CNKSR3: variants seen among roughly 807,000 people sequenced by gnomAD.
CNKSR3 encodes CNKSR family member 3, also known as connector enhancer of kinase suppressor of ras 3.
Under a neutral mutation model 67.7 loss-of-function variants are expected in CNKSR3, and 36 were observed. The ratio of observed to expected loss-of-function variants is 0.53; its 90% CI spans 0.41 to 0.70. CNKSR3 has a LOEUF of 0.70. Ranked by LOEUF, CNKSR3 falls within the 30% of genes least tolerant of loss-of-function variation. The pLI is 0.00. For missense variants in CNKSR3, 630 were observed against 695.2 expected (o/e 0.91, Z 1.05); for synonymous variants, 281 against 271.4 (o/e 1.04, Z -0.35).
chr6:154,438,287 G>C (rs1054017360), intron 4 of CNKSR3, among the ~76,000 whole-genome samples: 3 of 151,732 alleles, frequency 2.0e-5, no homozygotes, highest in Non-Finnish European at 4.4e-5. Flanking sequence ...CCCCCTGCCA[G>C]AGTAAACACA....
intron 1 of CNKSR3, among the ~76,000 whole-genome samples, chr6:154,485,560 C>T (rs920408210): frequency 1.5e-4 from 23 of 152,208 alleles, no homozygotes; most frequent in African/African-American, 5.1e-4. Context: ...TTTCCCAAAA[C>T]GCATCAGGTA....
At position 154,406,416 on chromosome 6, in the gene CNKSR3, A is replaced by G; in HGVS notation, c.1606T>C (p.Ser536Pro). 2 of 1,614,172 alleles carry G rather than the reference A, an allele frequency of 1.2e-6. No individual in the cohort carries two copies. Among genetic ancestry groups the G allele is most frequent in the Non-Finnish European group, 1.7e-6 (2 of 1,180,024 alleles). ...KKSGSSATKS[S>P]STEPSLLVSW... is the part of the protein sequence containing the mutation. ...ACCAGGAGGGACGGTTCTGTGGACGAGGACTTCGTAGCTGAGGAGCCAGAT... is the reference window on the plus strand; with the variant it reads ...ACCAGGAGGGACGGTTCTGTGGACGGGGACTTCGTAGCTGAGGAGCCAGAT... Residue 536 changes from serine (S) to proline (P), a missense_variant, in exon 13 of 13, where the codon TCG (serine) becomes CCG (proline). Physicochemically the swap from Ser to Pro is moderately conservative, Grantham distance 74. Around this residue, in one of 3 missense-constraint regions of CNKSR3, gnomAD observed 308 missense variants for 299.6 expected, o/e 1.03. Coordinates refer to ENST00000607772, the MANE Select transcript of CNKSR3 (RefSeq NM_173515.4).
At chr6:154,465,488 T>C (rs766507961) in intron 1 of CNKSR3, among the ~76,000 whole-genome samples, 30 of 152,144 alleles carry the variant, frequency 2.0e-4, no homozygotes, top group Non-Finnish European at 4.4e-4. Context: ...ATGTGTACTA[T>C]AACTGTCCCA....
At chr6:154,476,387 G>T (rs1786450434) in intron 1 of CNKSR3, among the ~76,000 whole-genome samples, 2 of 151,688 alleles carry the variant, frequency 1.3e-5, no homozygotes, top group Non-Finnish European at 2.9e-5. Context: ...AACCCAGGAG[G>T]CGGAGGTTGC....
intron 1 of CNKSR3, among the ~76,000 whole-genome samples, chr6:154,452,864 G>A (rs746848935): frequency 2.4e-4 from 36 of 152,312 alleles, no homozygotes; most frequent in Non-Finnish European, 4.3e-4. Flanking sequence ...GGCCTCAGAA[G>A]AAACCTACCC....
chr6:154,407,011 G>A (rs1025099421), intron 12 of CNKSR3, among the ~76,000 whole-genome samples: 6 of 150,634 alleles, frequency 4.0e-5, no homozygotes, highest in African/African-American at 1.2e-4. Context: ...GAGGGCCCTC[G>A]GCCTGCCCAG....
intron 9 of CNKSR3, among the ~76,000 whole-genome samples, chr6:154,417,953 G>A (rs1584059927): frequency 6.6e-6 from 1 of 152,156 alleles, no homozygotes; most frequent in East Asian, 1.9e-4. Flanking sequence ...CTCCATACCT[G>A]CCAATATAGT....
At chr6:154,480,182 T>C (rs1786537621) in intron 1 of CNKSR3, among the ~76,000 whole-genome samples, 1 of 152,230 alleles carries the variant, frequency 6.6e-6, no homozygotes, top group African/African-American at 2.4e-5. Context: ...AATGTCTAAA[T>C]AACAAGTACC....
At chr6:154,429,285 A>G (rs545028143) in intron 6 of CNKSR3, among the ~76,000 whole-genome samples, 4 of 152,254 alleles carry the variant, frequency 2.6e-5, no homozygotes, top group South Asian at 4.2e-4. Flanking sequence ...CTGCTCATCA[A>G]CCTACGCTAA....
intron 1 of CNKSR3, among the ~76,000 whole-genome samples, chr6:154,484,436 T>C (rs1043049116): frequency 6.6e-6 from 1 of 152,214 alleles, no homozygotes; most frequent in Non-Finnish European, 1.5e-5. Context: ...CCGGGCACAG[T>C]GGCTCACGCC....
At chr6:154,441,544 G>A (rs766482712) in intron 3 of CNKSR3, among the ~76,000 whole-genome samples, 165 bp from the exon 4 acceptor site, 8 of 152,054 alleles carry the variant, frequency 5.3e-5, no homozygotes, top group Non-Finnish European at 1.2e-4. Flanking sequence ...AGTGCAGTGG[G>A]ATGATCTTGG....
chr6:154,408,875 AG>A (rs1240770531), intron 12 of CNKSR3, among the ~76,000 whole-genome samples: 2 of 152,194 alleles, frequency 1.3e-5, no homozygotes, highest in Non-Finnish European at 2.9e-5. Context: ...TGCAAGGAGG[AG>A]TGGAGGGAAC....
chr6:154,506,174 C>T (rs921783988), intron 1 of CNKSR3, among the ~76,000 whole-genome samples: 1 of 151,988 alleles, frequency 6.6e-6, no homozygotes, highest in Admixed American at 6.6e-5. Flanking sequence ...TATCTATTCT[C>T]CCCTTTTTCC....
rs1217574032 is a variant in CNKSR3 at position 154,394,325 on chromosome 6, C to T, written c.*12029G>A. 6.6e-6 allele frequency: 1 copy of T among 152,142 alleles called. No homozygotes were observed. Among genetic ancestry groups the T allele is most frequent in the Non-Finnish European group, 1.5e-5 (1 of 68,032 alleles). The allele number at this position is 152,142 out of a possible 1,614,324, so 9.4% of individuals were successfully genotyped here. ...ACCACACATGGCCTTATTATTGTCA[C>T]TTCTAGGCCAGGTTGGTTGAGTATT... On this transcript the variant is annotated 3_prime_UTR_variant, in exon 13 of 13. Transcript: ENST00000607772.
Position 154,406,275 on chromosome 6 carries a change from G to A in CNKSR3, c.*79C>T. ...AAGGTCCCTACATAATACTGAGGCTGAAACGAGAAGAGGCTGTCCACTGTA... is the reference window on the plus strand; with the variant it reads ...AAGGTCCCTACATAATACTGAGGCTAAAACGAGAAGAGGCTGTCCACTGTA... On this transcript the variant is annotated 3_prime_UTR_variant, in exon 13 of 13. Transcript: ENST00000607772. The A allele has an allele frequency of 7.4e-7, 1 of 1,354,590 alleles. No individual in the cohort carries two copies. Among genetic ancestry groups the A allele is most frequent in the South Asian group, 1.4e-5 (1 of 71,846 alleles). 83.9% of individuals were successfully genotyped at this position (1,354,590 alleles called of 1,614,324 possible).
chr6:154,439,931 G>C (rs141976703), intron 4 of CNKSR3, among the ~76,000 whole-genome samples: 7 of 152,102 alleles, frequency 4.6e-5, no homozygotes, highest in Non-Finnish European at 1.5e-5. Flanking sequence ...AAAATATTAC[G>C]GGAAGAGGGA....
intron 2 of CNKSR3, among the ~76,000 whole-genome samples, chr6:154,446,564 A>G (rs1785710833): frequency 6.6e-6 from 1 of 152,240 alleles, no homozygotes; most frequent in African/African-American, 2.4e-5. Flanking sequence ...TGAATAATAA[A>G]CAACAAATAA....
intron 4 of CNKSR3, among the ~76,000 whole-genome samples, chr6:154,436,249 G>A (rs2128716595): frequency 6.6e-6 from 1 of 152,302 alleles, no homozygotes; most frequent in Admixed American, 6.5e-5. Flanking sequence ...ATGGCTCACT[G>A]CAGCCTCCGC....
intron 1 of CNKSR3, among the ~76,000 whole-genome samples, chr6:154,502,230 C>T (rs181589337): frequency 1.3e-5 from 2 of 149,226 alleles, no homozygotes; most frequent in East Asian, 2.0e-4. Flanking sequence ...TTGCTCTTGT[C>T]GCCCAGGTTG....
Sources: gnomAD v4.1 joint callset for allele counts (sites outside exome capture counted in the v4.1 genomes callset) on GRCh38, gnomAD v4.1.1 for gene constraint, gnomAD v4.1.1 regional missense constraint, MANE v1.5 for transcripts, NCBI Gene and HGNC (gene_info 2026-07-23, HGNC 2026-07-21) for gene names.